REDIC1: variants seen among roughly 807,000 people sequenced by gnomAD.
The protein encoded by REDIC1 is regulator of DNA class I crossover intermediates 1.
the REDIC1 span, among the ~76,000 whole-genome samples, chr12:39,750,263 A>G: frequency 5.3e-5 from 8 of 152,216 alleles, no homozygotes; most frequent in African/African-American, 1.4e-4. Flanking sequence ...AAGGATTCTT[A>G]TACACCAATA....
chr12:39,724,989 T>C, the REDIC1 span, among the ~76,000 whole-genome samples: 1 of 152,040 alleles, frequency 6.6e-6, no homozygotes, highest in Non-Finnish European at 1.5e-5. Context: ...ATGGATCTAT[T>C]ATATAATCCA....
At chr12:39,630,235 A>G in the REDIC1 span, among the ~76,000 whole-genome samples, 2 of 152,226 alleles carry the variant, frequency 1.3e-5, no homozygotes, top group Admixed American at 1.3e-4. Flanking sequence ...GAAAGGAGGA[A>G]CATATAACCA....
At chr12:39,760,376 C>CA in the REDIC1 span, 3 of 722,262 alleles carry the variant, frequency 4.2e-6, no homozygotes, top group Non-Finnish European at 6.7e-6. Context: ...TGAAATGGAC[C>CA]AAAAAATTAC....
At chr12:39,720,928 A>G in the REDIC1 span, 1 of 1,613,758 alleles carries the variant, frequency 6.2e-7, no homozygotes, top group Non-Finnish European at 8.5e-7. Context: ...AAACGATGAC[A>G]AAATTCACAA....
chr12:39,858,448 GA>G, the REDIC1 span, among the ~76,000 whole-genome samples: 249 of 150,056 alleles, frequency 1.7e-3, no homozygotes, highest in Middle Eastern at 6.8e-3. Flanking sequence ...AAATTAGTAA[GA>G]AAAAAAAATG....
At chr12:39,717,161 T>TAC in the REDIC1 span, among the ~76,000 whole-genome samples, 46 of 149,668 alleles carry the variant, frequency 3.1e-4, no homozygotes, top group South Asian at 3.4e-3. Flanking sequence ...TATACACACA[T>TAC]ACACACACAC....
chr12:39,653,557 C>CTTCTTCTTCTT, the REDIC1 span, among the ~76,000 whole-genome samples: 101 of 56,254 alleles, frequency 1.8e-3, 15 homozygotes, highest in Non-Finnish European at 3.2e-3. Flanking sequence ...TCTTCTTCTT[C>CTTCTTCTTCTT]TTTCTTCTTC....
the REDIC1 span, among the ~76,000 whole-genome samples, chr12:39,681,728 G>A: frequency 4.9e-4 from 75 of 152,222 alleles, no homozygotes; most frequent in African/African-American, 1.5e-3. Context: ...TTAACAACAA[G>A]CTGAGCTCTT....
chr12:39,849,310 C>T, the REDIC1 span, among the ~76,000 whole-genome samples: 5 of 152,076 alleles, frequency 3.3e-5, no homozygotes, highest in African/African-American at 7.2e-5. Context: ...CAGCATTTAG[C>T]GAGCACACTG....
At chr12:39,804,089 G>A in the REDIC1 span, among the ~76,000 whole-genome samples, 5 of 152,024 alleles carry the variant, frequency 3.3e-5, no homozygotes, top group Non-Finnish European at 5.9e-5. Flanking sequence ...GTAAACACAC[G>A]TGACTTGATG....
At chr12:39,762,181 A>G in the REDIC1 span, among the ~76,000 whole-genome samples, 1 of 152,030 alleles carries the variant, frequency 6.6e-6, no homozygotes, top group Non-Finnish European at 1.5e-5. Context: ...GTGTGGGCAG[A>G]CCTGGGAGGC....
At chr12:39,756,321 T>C in the REDIC1 span, 2 of 152,074 alleles carry the variant, frequency 1.3e-5, no homozygotes, top group Non-Finnish European at 1.5e-5. Flanking sequence ...TACTCATAGA[T>C]ACTGAAAAGG....
At chr12:39,651,277 G>C in the REDIC1 span, among the ~76,000 whole-genome samples, 1 of 152,012 alleles carries the variant, frequency 6.6e-6, no homozygotes, top group Admixed American at 6.6e-5. Context: ...CCTATTTTTG[G>C]ACTGCGGTTG....
At chr12:39,711,334 CAT>C in the REDIC1 span, among the ~76,000 whole-genome samples, 1 of 146,618 alleles carries the variant, frequency 6.8e-6, no homozygotes, top group East Asian at 2.0e-4. Context: ...GTATAGATCA[CAT>C]ATATACATCT....
chr12:39,862,690 A>C, the REDIC1 span, among the ~76,000 whole-genome samples: 8 of 152,166 alleles, frequency 5.3e-5, no homozygotes, highest in African/African-American at 1.9e-4. Context: ...GGAAAGGGGA[A>C]ATGTATATAG....
At chr12:39,781,638 C>T in the REDIC1 span, among the ~76,000 whole-genome samples, 5 of 152,190 alleles carry the variant, frequency 3.3e-5, no homozygotes, top group South Asian at 8.3e-4. Context: ...CTTATTCTTG[C>T]TATGAATTTC....
the REDIC1 span, among the ~76,000 whole-genome samples, chr12:39,653,538 T>TCTTCTTTTTCTTCTTCTTC: frequency 1.3e-4 from 9 of 66,688 alleles, no homozygotes; most frequent in African/African-American, 3.8e-4. Flanking sequence ...TTCTTCTTCT[T>TCTTCTTTTTCTTCTTCTTC]TTTCTTCTTC....
At chr12:39,825,244 G>C in the REDIC1 span, among the ~76,000 whole-genome samples, 1,632 of 152,224 alleles carry the variant, frequency 0.011, 12 homozygotes, top group Non-Finnish European at 0.017. Context: ...TTTCAGAATA[G>C]ATTATTTAAG....
chr12:39,829,945 T>C, the REDIC1 span: 2 of 918,842 alleles, frequency 2.2e-6, no homozygotes, highest in African/African-American at 1.7e-5. Context: ...ACAATTGCAA[T>C]GCTTTGCATC....
Sources: gnomAD v4.1 joint callset for allele counts (sites outside exome capture counted in the v4.1 genomes callset) on GRCh38, gnomAD v4.1.1 for gene constraint, MANE v1.5 for transcripts, NCBI Gene and HGNC (gene_info 2026-07-23, HGNC 2026-07-21) for gene names.